The following AHRR variants were observed in gnomAD, a reference collection of about 807,000 sequenced individuals.
AHRR encodes ahR repressor.
AHRR carries 28 observed loss-of-function variants against 44.0 expected under a neutral mutation model. The observed-to-expected ratio is 0.64, with a 90% CI of 0.47 to 0.87. The LOEUF is 0.87. AHRR is among the 40% of genes least tolerant of loss of function. AHRR has a pLI of 0.00. For synonymous variants in AHRR, 434 were observed against 407.0 expected (o/e 1.07, Z -0.80); for missense variants, 990 against 953.9 (o/e 1.04, Z -0.50).
In AHRR at chr5:376,681, G is replaced by C; in HGVS notation, c.316G>C (p.Gly106Arg). The C allele has an allele frequency of 1.2e-6, 2 of 1,610,504 alleles. No individual in the cohort carries two copies. The highest frequency in any genetic ancestry group is 1.1e-5 in the South Asian group (1 of 90,040). ...PSPGDSCPLAGSAVLEGRLLL... is the reference protein window; with the variant it reads ...PSPGDSCPLARSAVLEGRLLL... ...GCCCGGAGACAGCTGTCCTCTTGCA[G>C]GGTCTGCCGTGCTGGAGGGAAGGCT... is the stretch of plus-strand genomic sequence containing the variant. The change falls in exon 4 of 11, where the codon GGG becomes CGG. Residue 106 changes from glycine to arginine, a missense_variant. By Grantham distance (125) the Gly-to-Arg change is moderately radical (BLOSUM62 -2). Transcript: ENST00000684583.
In AHRR at chr5:370,300, G is replaced by A. The variant is rs1743529738; in HGVS notation, c.245-6310G>A. ...TGGAAGCTCTGCTCATTTACTCCCC[G>A]TGTTACGGTTGTGCAGCATTTCCTG... On this transcript the variant is annotated intron_variant, in intron 3 of 10. Transcript: ENST00000684583. The surrounding 1 kb of genome is among the most constrained non-coding windows in gnomAD (Gnocchi z 4.5). 1.3e-5 allele frequency among the ~76,000 whole-genome samples: 2 copies of A among 152,202 alleles called. No homozygotes were observed. The highest frequency in any genetic ancestry group is 6.5e-5 in the Admixed American group (1 of 15,280).
intron 3 of AHRR, among the ~76,000 whole-genome samples, chr5:366,330 C>T (rs534341581): frequency 1.4e-4 from 22 of 152,144 alleles, no homozygotes; most frequent in East Asian, 1.4e-3. Flanking sequence ...AAGGGGCTCC[C>T]GCTGGCCAAG....
rs1365944737 is a variant in AHRR at position 387,513 on chromosome 5, C to T, written c.351+10797C>T. 6.6e-6 allele frequency among the ~76,000 whole-genome samples: 1 copy of T among 152,326 alleles called. No homozygotes were observed. Among genetic ancestry groups the T allele is most frequent in the African/African-American group, 2.4e-5 (1 of 41,568 alleles). ...GTGCTTATGTGCACACAAACCTTTG[C>T]CACAGCAGCCACGCAACAGGCACAC... On this transcript the variant is annotated intron_variant, in intron 4 of 10. Transcript: ENST00000684583. The surrounding 1 kb of genome is among the most constrained non-coding windows in gnomAD (Gnocchi z 5.1).
At chr5:396,594 T>C (rs1734716993) in intron 4 of AHRR, among the ~76,000 whole-genome samples, 1 of 152,210 alleles carries the variant, frequency 6.6e-6, no homozygotes, top group Non-Finnish European at 1.5e-5. Flanking sequence ...ATCCACGTTT[T>C]ACCGTCTGTT....
Position 414,218 on chromosome 5 carries a change from G to A in AHRR, c.441+785G>A, listed in dbSNP as rs140745407. Among the ~76,000 whole-genome samples, 791 of 152,128 alleles carry A rather than the reference G, an allele frequency of 5.2e-3. 9 individuals are homozygous for A. Among genetic ancestry groups the A allele is most frequent in the African/African-American group, 0.018 (744 of 41,492 alleles). On this transcript the variant is annotated intron_variant, in intron 5 of 10. Transcript: ENST00000684583. ...GTGTAGGTTGCAGTGAGGTGAGATC[G>A]AGTCACTGCACTCCAGCCTGGGTGA...
chr5:427,500 A>G, intron 7 of AHRR: 1 of 1,058,706 alleles, frequency 9.4e-7, no homozygotes, highest in South Asian at 1.4e-5. Context: ...AGTTCGTGCC[A>G]CCTGCGCATG....
intron 5 of AHRR, 138 bp from the exon 6 acceptor site, chr5:422,591 T>G: frequency 8.2e-7 from 1 of 1,219,724 alleles, no homozygotes; most frequent in South Asian, 1.3e-5. Context: ...AAGCGCCGTC[T>G]CTTCGGTGGG....
chr5:415,508 C>G lies in AHRR; in HGVS notation c.441+2075C>G, dbSNP rs59276239. On this transcript the variant is annotated intron_variant, in intron 5 of 10. Coordinates refer to ENST00000684583, the MANE Select transcript of AHRR (RefSeq NM_001377236.1). ...GGCCTAGGGGCCGAGTCTCCCTGGT[C>G]GGGTGGGAGGCCTAGGGGCCGAGTC... Among the ~76,000 whole-genome samples the G allele has an allele frequency of 1.9e-4, 17 of 91,036 alleles. 1 individual carries two copies. The highest frequency in any genetic ancestry group is 2.2e-4 in the African/African-American group (4 of 18,332). 59.7% of individuals were successfully genotyped at this position (91,036 alleles called of 152,430 possible).
intron 3 of AHRR, among the ~76,000 whole-genome samples, chr5:371,104 C>T (rs917210638): frequency 1.4e-4 from 22 of 152,106 alleles, no homozygotes; most frequent in African/African-American, 2.2e-4. Context: ...CGCCTGTGGC[C>T]GGAGAATGGG....
chr5:393,829 G>T (rs933721840), intron 4 of AHRR, among the ~76,000 whole-genome samples: 1 of 152,080 alleles, frequency 6.6e-6, no homozygotes, highest in African/African-American at 2.4e-5. Flanking sequence ...GTAGAGATGG[G>T]GTTTCACCAT....
Position 338,521 on chromosome 5 carries a change from T to A in AHRR, c.-10-5372T>A, listed in dbSNP as rs916606396. Among the ~76,000 whole-genome samples the A allele has an allele frequency of 2.6e-5, 4 of 152,182 alleles. No individual in the cohort carries two copies. The highest frequency in any genetic ancestry group is 4.4e-5 in the Non-Finnish European group (3 of 68,038). Reference sequence around the variant, plus strand: ...CTGTCATCTTATTTTTGATCCTTTGTACCCAGTGCCTATTTTCTCTGGCTT... The same window carrying A: ...CTGTCATCTTATTTTTGATCCTTTGAACCCAGTGCCTATTTTCTCTGGCTT... On this transcript the variant is annotated intron_variant, in intron 1 of 10. Coordinates refer to ENST00000684583, the MANE Select transcript of AHRR (RefSeq NM_001377236.1). The surrounding 1 kb of genome is among the most constrained non-coding windows in gnomAD (Gnocchi z 4.1).
rs972809778 is a variant in AHRR at position 359,425 on chromosome 5, C to T, written c.244+5514C>T. Among the ~76,000 whole-genome samples, 3 of 152,110 alleles carry T rather than the reference C, an allele frequency of 2.0e-5. 1 individual carries two copies. The highest frequency in any genetic ancestry group is 2.0e-4 in the Admixed American group (3 of 15,256). On this transcript the variant is annotated intron_variant, in intron 3 of 10. Transcript: ENST00000684583. ...CCGTCAGTCACGGAGTCCACCCAGGCCTGGCATGTGGCTGTGTCCACCTCT... is the reference window on the plus strand; with the variant it reads ...CCGTCAGTCACGGAGTCCACCCAGGTCTGGCATGTGGCTGTGTCCACCTCT...
rs761815827 is a variant in AHRR, at chr5:432,450, G to C, written c.909-13G>C. 1.6e-5 allele frequency: 26 copies of C among 1,613,630 alleles called. No homozygotes were observed. In the Admixed American group the frequency reaches 4.3e-4, roughly 27 times the overall value. ...TCCGTCACATGTCACATGTTCATCT[G>C]TGTTCTTCACAGAGTAAAAGCCACC... On this transcript the variant is annotated splice_polypyrimidine_tract_variant and intron_variant, in intron 8 of 10. Transcript: ENST00000684583.
chr5:376,468 G>A, intron 3 of AHRR, 142 bp from the exon 4 acceptor site: 2 of 614,752 alleles, frequency 3.3e-6, no homozygotes, highest in South Asian at 2.0e-5. Context: ...TGCGTGGCCT[G>A]CAGAGGGGTC....
Position 330,899 on chromosome 5 carries a change from A to C in AHRR, c.-11+9080A>C, listed in dbSNP as rs2721042. ...TTTTTTTTTTTTTTTTTTGAGACAG[A>C]GTCTCGGTCTGTCACCCAGGCTGGA... is the stretch of plus-strand genomic sequence containing the variant. On this transcript the variant is annotated intron_variant, in intron 1 of 10. Transcript: ENST00000684583. Among the ~76,000 whole-genome samples, 1,215 of 124,710 alleles carry C rather than the reference A, an allele frequency of 9.7e-3. 25 individuals carry two copies. The highest frequency in any genetic ancestry group is 0.038 in the African/African-American group (1,160 of 30,882). The allele number at this position is 124,710 out of a possible 152,430, so 81.8% of individuals were successfully genotyped here.
At chr5:353,655 G>C in intron 2 of AHRR, 75 bp from the exon 3 acceptor site, 1 of 1,428,856 alleles carries the variant, frequency 7.0e-7, no homozygotes, top group Non-Finnish European at 9.5e-7. Flanking sequence ...GGTCACTGCA[G>C]AGGACGGTTT....
intron 3 of AHRR, among the ~76,000 whole-genome samples, chr5:373,134 G>A (rs1027500179): frequency 7.2e-5 from 11 of 152,238 alleles, no homozygotes; most frequent in Non-Finnish European, 2.9e-5. Flanking sequence ...GAGGTTCTGC[G>A]CGGTTGGCAG....
chr5:354,932 G>C (rs940865145), intron 3 of AHRR, among the ~76,000 whole-genome samples: 1 of 152,194 alleles, frequency 6.6e-6, no homozygotes, highest in East Asian at 1.9e-4. Flanking sequence ...CCAGCATCAC[G>C]CGCCGTGTCC....
At chr5:364,092 T>C (rs1743273719) in intron 3 of AHRR, among the ~76,000 whole-genome samples, 1 of 152,246 alleles carries the variant, frequency 6.6e-6, no homozygotes, top group African/African-American at 2.4e-5. Flanking sequence ...GAGGCATCCT[T>C]CTACTGATAA....
Sources: gnomAD v4.1 joint callset for allele counts (sites outside exome capture counted in the v4.1 genomes callset) on GRCh38, gnomAD v4.1.1 for gene constraint, Gnocchi (gnomAD v3.1) non-coding constraint, MANE v1.5 for transcripts, NCBI Gene and HGNC (gene_info 2026-07-23, HGNC 2026-07-21) for gene names.